PPP4R3A: variants seen among roughly 807,000 people sequenced by gnomAD.
PPP4R3A encodes the protein protein phosphatase 4 regulatory subunit 3A.
In PPP4R3A, 15 loss-of-function variants were observed where a neutral mutation model predicts 91.7. The observed-to-expected ratio is 0.16, with a 90% confidence interval of 0.11 to 0.25. The LOEUF (loss-of-function observed/expected upper bound fraction) is 0.25. Among genes scored for constraint, PPP4R3A ranks in the 10% least tolerant of loss-of-function variants. PPP4R3A has a pLI of 1.00. For synonymous variants in PPP4R3A, 377 were observed against 348.7 expected, an observed-to-expected ratio of 1.08 and a Z score of -0.91; for missense variants, 623 against 998.4, an observed-to-expected ratio of 0.62 and a Z score of 5.07.
intron 4 of PPP4R3A, among the ~76,000 whole-genome samples, chr14:91,477,710 G>C (rs1889294078): frequency 6.6e-6 from 1 of 152,160 alleles, no homozygotes; most frequent in Non-Finnish European, 1.5e-5. Context: ...GCACAGTGGT[G>C]CCATCTCGGC....
intron 10 of PPP4R3A, among the ~76,000 whole-genome samples, chr14:91,465,770 T>C (rs1888439343): frequency 6.6e-6 from 1 of 152,184 alleles, no homozygotes; most frequent in South Asian, 2.1e-4. Flanking sequence ...AAATTCAACA[T>C]GACCTTTTAT....
At chr14:91,474,234 C>A (rs1239297660) in intron 7 of PPP4R3A, among the ~76,000 whole-genome samples, 1 of 152,070 alleles carries the variant, frequency 6.6e-6, no homozygotes, top group Non-Finnish European at 1.5e-5. Flanking sequence ...GTGCAGAGAA[C>A]AAATGGATTA....
Position 91,509,530 on chromosome 14 carries a change from G to T in PPP4R3A, c.118C>A (p.Leu40Met). The T allele has an allele frequency of 6.3e-7, 1 of 1,597,428 alleles. No homozygotes were observed. ...GYVERLKGMS[L>M]LVRAESDGSL... ...CCGTCGCTCTCAGCCCTGACAAGCAGGGACATGCCCTTCAGCCGCTCCACG... is the reference window on the plus strand; with the variant it reads ...CCGTCGCTCTCAGCCCTGACAAGCATGGACATGCCCTTCAGCCGCTCCACG... Residue 40 changes from leucine (L) to methionine (M), a missense_variant, in exon 1 of 15, where the codon CTG becomes ATG. Leu to Met is a conservative substitution (Grantham distance 15). Transcript: ENST00000554943.
chr14:91,489,849 G>C (rs1266397573), intron 2 of PPP4R3A, among the ~76,000 whole-genome samples: 1 of 152,066 alleles, frequency 6.6e-6, no homozygotes, highest in East Asian at 1.9e-4. Context: ...AATAAATCAC[G>C]ACTAAATATA....
At chr14:91,461,335 G>C in intron 14 of PPP4R3A, 46 bp downstream of exon 14, 1 of 1,540,544 alleles carries the variant, frequency 6.5e-7, no homozygotes, top group Non-Finnish European at 8.9e-7. Flanking sequence ...TGTTGAGAAA[G>C]CTTCAATTGG....
At chr14:91,502,540 T>C (rs1891030965) in intron 1 of PPP4R3A, among the ~76,000 whole-genome samples, 1 of 152,198 alleles carries the variant, frequency 6.6e-6, no homozygotes, top group African/African-American at 2.4e-5. Flanking sequence ...ACTGATCTGT[T>C]CATTTCTCTC....
chr14:91,459,084 T>C (rs921855940), intron 14 of PPP4R3A, among the ~76,000 whole-genome samples: 2 of 152,098 alleles, frequency 1.3e-5, no homozygotes, highest in Non-Finnish European at 2.9e-5. Flanking sequence ...AGGGAAAACT[T>C]TGAGTTAATT....
chr14:91,474,452 A>C (rs1296294595), intron 7 of PPP4R3A, among the ~76,000 whole-genome samples: 3 of 152,190 alleles, frequency 2.0e-5, no homozygotes, highest in Non-Finnish European at 4.4e-5. Context: ...AAGAGTGGGA[A>C]TCAAGAGTCC....
intron 2 of PPP4R3A, among the ~76,000 whole-genome samples, chr14:91,486,348 A>AT (rs1567156899): frequency 6.7e-6 from 1 of 149,912 alleles, no homozygotes; most frequent in African/African-American, 2.5e-5. Context: ...TCTTAGTTTC[A>AT]TTTTTTGTAG....
At chr14:91,478,298 C>A (rs891003114) in intron 4 of PPP4R3A, among the ~76,000 whole-genome samples, 2 of 152,216 alleles carry the variant, frequency 1.3e-5, no homozygotes, top group Admixed American at 1.3e-4. Flanking sequence ...CTCTGAACTG[C>A]TGCAGTTGGG....
chr14:91,458,740 T>C lies in PPP4R3A; in HGVS notation c.*19A>G. The C allele has an allele frequency of 8.1e-6, 13 of 1,614,104 alleles. No individual in the cohort carries two copies. The highest frequency in any genetic ancestry group is 1.0e-5 in the Non-Finnish European group (12 of 1,180,006). On this transcript the variant is annotated 3_prime_UTR_variant, in exon 15 of 15. Transcript: ENST00000554943. ...ACCAGTTTTTTTCAACAGGTACTGA[T>C]CCTAGGCCGTTGCCATTATTATGAA...
intron 1 of PPP4R3A, among the ~76,000 whole-genome samples, chr14:91,497,917 T>C (rs140301515): frequency 6.6e-6 from 1 of 152,330 alleles, no homozygotes; most frequent in African/African-American, 2.4e-5. Context: ...AAAATGATAC[T>C]ACAAGGTTAC....
intron 6 of PPP4R3A, 102 bp from the exon 7 acceptor site, chr14:91,476,068 G>T: frequency 1.8e-6 from 2 of 1,107,602 alleles, no homozygotes; most frequent in Non-Finnish European, 2.5e-6. Context: ...AAACTTCAAT[G>T]TAAAAGAAAG....
rs527404247 is a variant in PPP4R3A, at chr14:91,506,155, G to A, written c.142+3351C>T. On this transcript the variant is annotated intron_variant, in intron 1 of 14. Transcript: ENST00000554943. ...GTAGAGACAGGGTTTCACCATATTA[G>A]CCAGGATGGTCTCGATCTCCTGACC... 1.2e-4 allele frequency among the ~76,000 whole-genome samples: 19 copies of A among 152,252 alleles called. No homozygotes were observed. The South Asian group carries it at 3.7e-3, about 30-fold the overall frequency.
intron 7 of PPP4R3A, 38 bp downstream of exon 7, chr14:91,475,773 A>G (rs1292031175): frequency 1.3e-6 from 2 of 1,546,866 alleles, no homozygotes; most frequent in East Asian, 2.3e-5. Context: ...ATAGCTTCCT[A>G]TGTATAAATA....
intron 3 of PPP4R3A, 45 bp downstream of exon 3, chr14:91,485,587 A>G (rs1241365467): frequency 2.2e-6 from 3 of 1,392,762 alleles, no homozygotes; most frequent in Admixed American, 1.9e-5. Context: ...GCAAAAAACT[A>G]AACACTTAAA....
At chr14:91,495,744 T>C (rs377260160) in intron 1 of PPP4R3A, among the ~76,000 whole-genome samples, 15 of 151,972 alleles carry the variant, frequency 9.9e-5, no homozygotes, top group African/African-American at 3.1e-4. Flanking sequence ...TAGTGAGACC[T>C]TGTCTCTATA....
intron 10 of PPP4R3A, 127 bp from the exon 11 acceptor site, chr14:91,465,546 T>C (rs1021387115): frequency 1.2e-5 from 9 of 764,130 alleles, no homozygotes; most frequent in African/African-American, 7.2e-5. Flanking sequence ...TTATGATGTT[T>C]GCACTTCCGG....
rs1295234561 is a variant in PPP4R3A at position 91,463,915 on chromosome 14, T to C, written c.1831-1038A>G. On this transcript the variant is annotated intron_variant, in intron 11 of 14. Coordinates refer to ENST00000554943, the MANE Select transcript of PPP4R3A (RefSeq NM_001366432.2). ...TTTCAATCCCCACCTTCTCCTACTC[T>C]CTACCCTCAAGTGGCTCTGGTATCT... Among the ~76,000 whole-genome samples the C allele has an allele frequency of 2.6e-5, 4 of 152,176 alleles. No individual in the cohort carries two copies. In the South Asian group the frequency reaches 8.3e-4, roughly 32 times the overall value.
Sources: gnomAD v4.1 joint callset for allele counts (sites outside exome capture counted in the v4.1 genomes callset) on GRCh38, gnomAD v4.1.1 for gene constraint, MANE v1.5 for transcripts, NCBI Gene and HGNC (gene_info 2026-07-23, HGNC 2026-07-21) for gene names.